Variants in SYN3 observed in about 807,000 individuals in gnomAD.
SYN3 encodes the protein synapsin-3.
A neutral mutation model predicts 65.8 loss-of-function variants in SYN3; 35 were observed. The ratio of observed to expected loss-of-function variants is 0.53; its 90% CI spans 0.41 to 0.70. The LOEUF is 0.70. SYN3 is among the 30% of genes least tolerant of loss of function. The pLI, the probability that SYN3 is intolerant of heterozygous loss-of-function variation, is 0.00. For synonymous variants in SYN3, 270 were observed against 292.9 expected, an observed-to-expected ratio of 0.92 and a Z score of 0.80; for missense variants, 680 against 749.0, an observed-to-expected ratio of 0.91 and a Z score of 1.08.
At chr22:32,868,610 C>A (rs1253011157) in intron 5 of SYN3, among the ~76,000 whole-genome samples, 1 of 151,744 alleles carries the variant, frequency 6.6e-6, no homozygotes, top group Non-Finnish European at 1.5e-5. Context: ...CGCCACCATG[C>A]CTGGCTAATT....
rs1028798630 is a variant in SYN3 at position 32,509,446 on chromosome 22, A to G, written c.*4246T>C. On this transcript the variant is annotated 3_prime_UTR_variant, in exon 14 of 14. Transcript: ENST00000358763. The stretch of plus-strand genomic sequence containing the variant: ...CAAAATGTCACAATTATTAAAGGTT[A>G]CATGTTTGGAAGGAACAGGTACTAG... Among the ~76,000 whole-genome samples, 2 of 152,174 alleles carry G rather than the reference A, an allele frequency of 1.3e-5. No homozygotes were observed. Among genetic ancestry groups the G allele is most frequent in the African/African-American group, 4.8e-5 (2 of 41,442 alleles).
chr22:32,566,707 G>C (rs954677420), intron 7 of SYN3, among the ~76,000 whole-genome samples: 1 of 149,948 alleles, frequency 6.7e-6, no homozygotes, highest in African/African-American at 2.5e-5. Context: ...GACAACTACA[G>C]GCTCCTTTTT....
chr22:32,917,190 A>G (rs1445532691), intron 4 of SYN3, among the ~76,000 whole-genome samples: 1 of 152,206 alleles, frequency 6.6e-6, no homozygotes, highest in Admixed American at 6.5e-5. Context: ...CAGAGGTAAG[A>G]TTACTTGTAC....
At chr22:32,572,327 CCG>C (rs2058776188) in intron 7 of SYN3, among the ~76,000 whole-genome samples, 1 of 125,056 alleles carries the variant, frequency 8.0e-6, no homozygotes, top group Non-Finnish European at 1.7e-5. Flanking sequence ...TCCCTTCCTT[CCG>C]TCCCTCCCTT....
rs557458229 is a variant in SYN3, at chr22:32,588,893, C to T, written c.774+7781G>A. ...CCAGGGAAGAGGCAAAAGCACCTCT[C>T]CATAAGACATGCTCACCAGTACATG... On this transcript the variant is annotated intron_variant, in intron 7 of 13. Coordinates refer to ENST00000358763, the MANE Select transcript of SYN3 (RefSeq NM_003490.4). Among the ~76,000 whole-genome samples the T allele has an allele frequency of 2.2e-4, 34 of 152,292 alleles. 1 individual carries two copies. The highest frequency in any genetic ancestry group is 2.2e-3 in the Admixed American group (33 of 15,302).
At position 32,510,479 on chromosome 22, in the gene SYN3, G is replaced by C. The variant is rs1007790074; in HGVS notation, c.*3213C>G. ...CTGGGTGAGATTGTTGAAGAGGGAC[G>C]ATTGCCACAGGGGTTTCCTGTGTTC... On this transcript the variant is annotated 3_prime_UTR_variant, in exon 14 of 14. Coordinates refer to ENST00000358763, the MANE Select transcript of SYN3 (RefSeq NM_003490.4). 6.6e-6 allele frequency among the ~76,000 whole-genome samples: 1 copy of C among 152,138 alleles called. No individual in the cohort carries two copies. The highest frequency in any genetic ancestry group is 1.5e-5 in the Non-Finnish European group (1 of 68,020).
chr22:32,868,392 A>C (rs962509662), intron 5 of SYN3, among the ~76,000 whole-genome samples: 1 of 151,466 alleles, frequency 6.6e-6, no homozygotes, highest in Non-Finnish European at 1.5e-5. Flanking sequence ...ATTACATGTA[A>C]CATGTATAAT....
chr22:32,896,659 C>T (rs1180135573), intron 4 of SYN3, among the ~76,000 whole-genome samples: 1 of 152,192 alleles, frequency 6.6e-6, no homozygotes, highest in African/African-American at 2.4e-5. Context: ...GAAAAGATAA[C>T]ATTTCATAGT....
intron 6 of SYN3, 119 bp downstream of exon 6, chr22:32,864,796 G>C: frequency 2.3e-6 from 2 of 887,208 alleles, no homozygotes; most frequent in Non-Finnish European, 3.7e-6. Flanking sequence ...CCGCCTTAGA[G>C]TCTGCGTGGT....
chr22:32,872,514 A>G (rs563804264), intron 4 of SYN3, among the ~76,000 whole-genome samples: 1 of 152,294 alleles, frequency 6.6e-6, no homozygotes, highest in East Asian at 1.9e-4. Context: ...ACCTCTTAAG[A>G]GTCTCAGATC....
rs1569234426 is a variant in SYN3 at position 32,801,111 on chromosome 22, T to C, written c.711+63804A>G. The stretch of plus-strand genomic sequence containing the variant: ...GGAGAGCACAGAAAACAGTCTTCTA[T>C]CATATATCATAGCCAGCTGCAAACA... On this transcript the variant is annotated intron_variant, in intron 6 of 13. Transcript: ENST00000358763. The surrounding 1 kb of genome is among the most constrained non-coding windows in gnomAD (Gnocchi z 4.7). Among the ~76,000 whole-genome samples, 2 of 152,122 alleles carry C rather than the reference T, an allele frequency of 1.3e-5. No homozygotes were observed. Among genetic ancestry groups the C allele is most frequent in the African/African-American group, 2.4e-5 (1 of 41,424 alleles).
chr22:32,594,591 G>A (rs1043893931), intron 7 of SYN3, among the ~76,000 whole-genome samples: 10 of 151,898 alleles, frequency 6.6e-5, no homozygotes, highest in Admixed American at 3.9e-4. Flanking sequence ...AGGTTCCAGC[G>A]ATTCTCCTGC....
intron 6 of SYN3, among the ~76,000 whole-genome samples, chr22:32,620,007 T>G (rs1877737216): frequency 3.9e-5 from 6 of 152,240 alleles, no homozygotes; most frequent in Admixed American, 2.0e-4. Context: ...TGACCACAAC[T>G]GACCACCAAT....
chr22:32,714,266 T>A (rs1049877434), intron 6 of SYN3, among the ~76,000 whole-genome samples: 3 of 152,204 alleles, frequency 2.0e-5, no homozygotes, highest in African/African-American at 7.2e-5. Flanking sequence ...CAGACTCTAG[T>A]CTTATCCAGC....
At position 32,838,183 on chromosome 22, in the gene SYN3, A is replaced by G. The variant is rs529711017; in HGVS notation, c.711+26732T>C. ...AGACATGGCACAGGATCTGAGATGC[A>G]TAGTTCCTCAAATACTTCTGAATAA... is the stretch of plus-strand genomic sequence containing the variant. On this transcript the variant is annotated intron_variant, in intron 6 of 13. Transcript: ENST00000358763. Among the ~76,000 whole-genome samples the G allele has an allele frequency of 1.2e-4, 18 of 152,350 alleles. No individual in the cohort carries two copies. In the South Asian group the frequency reaches 3.7e-3, roughly 32 times the overall value.
chr22:32,677,062 C>G (rs2060455998), intron 6 of SYN3, among the ~76,000 whole-genome samples: 2 of 152,220 alleles, frequency 1.3e-5, no homozygotes, highest in African/African-American at 4.8e-5. Context: ...AAACTCAACA[C>G]ATACATATTG....
At chr22:32,781,071 C>T (rs7510599) in intron 6 of SYN3, among the ~76,000 whole-genome samples, 1 of 109,436 alleles carries the variant, frequency 9.1e-6, no homozygotes, top group South Asian at 3.9e-4. Context: ...CTTCCTCCCT[C>T]CCTCCCTTCC....
At chr22:32,555,527 G>T (rs1322874279) in intron 7 of SYN3, among the ~76,000 whole-genome samples, 4 of 152,132 alleles carry the variant, frequency 2.6e-5, no homozygotes, top group Admixed American at 1.3e-4. Flanking sequence ...TGATGGCCGG[G>T]ACATACTGGT....
intron 6 of SYN3, among the ~76,000 whole-genome samples, chr22:32,755,911 G>A (rs1026417839): frequency 2.0e-5 from 3 of 152,142 alleles, no homozygotes; most frequent in African/African-American, 4.8e-5. Flanking sequence ...ATGAGTCCAC[G>A]TCCTTTACAG....
Sources: gnomAD v4.1 joint callset for allele counts (sites outside exome capture counted in the v4.1 genomes callset) on GRCh38, gnomAD v4.1.1 for gene constraint, Gnocchi (gnomAD v3.1) non-coding constraint, MANE v1.5 for transcripts, NCBI Gene and HGNC (gene_info 2026-07-23, HGNC 2026-07-21) for gene names.